Variants in GRAMD1B observed in about 807,000 individuals in gnomAD.
The protein encoded by GRAMD1B is GRAM domain containing 1B.
A neutral mutation model predicts 99.7 loss-of-function variants in GRAMD1B; 37 were observed. The ratio of observed to expected loss-of-function variants is 0.37; its 90% CI spans 0.29 to 0.49. GRAMD1B has a LOEUF of 0.49. Among genes scored for constraint, GRAMD1B ranks in the 20% least tolerant of loss-of-function variants. GRAMD1B has a pLI of 0.98. For missense variants in GRAMD1B, 888 were observed against 1,009.2 expected, an observed-to-expected ratio of 0.88 and a Z score of 1.63; for synonymous variants, 427 against 387.6, an observed-to-expected ratio of 1.10 and a Z score of -1.19.
intron 1 of GRAMD1B, among the ~76,000 whole-genome samples, chr11:123,441,355 A>G (rs2714053): frequency 0.65 from 98,817 of 152,038 alleles, 33,168 homozygotes; most frequent in African/African-American, 0.82. Flanking sequence ...CTCAGCATGC[A>G]GGCCGGGTGT....
At chr11:123,462,263 G>A (rs1950463656) in intron 1 of GRAMD1B, among the ~76,000 whole-genome samples, 1 of 152,106 alleles carries the variant, frequency 6.6e-6, no homozygotes, top group Non-Finnish European at 1.5e-5. Flanking sequence ...CACCGTGCCG[G>A]GCCAGTCATT....
At chr11:123,451,397 T>C (rs1236675184) in intron 1 of GRAMD1B, among the ~76,000 whole-genome samples, 2 of 152,204 alleles carry the variant, frequency 1.3e-5, no homozygotes, top group East Asian at 3.9e-4. Flanking sequence ...TACAGCTAAG[T>C]AATGCTAGAA....
At chr11:123,395,641 C>G (rs376786328) in intron 1 of GRAMD1B, among the ~76,000 whole-genome samples, 2 of 152,150 alleles carry the variant, frequency 1.3e-5, no homozygotes, top group South Asian at 2.1e-4. Flanking sequence ...CCATTACAAC[C>G]AGTTAAATCG....
intron 1 of GRAMD1B, among the ~76,000 whole-genome samples, chr11:123,476,686 G>A (rs1951294893): frequency 6.6e-6 from 1 of 152,242 alleles, no homozygotes; most frequent in African/African-American, 2.4e-5. Context: ...GGAGCTCTTT[G>A]CTGGAGAGAC....
intron 2 of GRAMD1B, among the ~76,000 whole-genome samples, chr11:123,559,957 G>A (rs904130095): frequency 1.3e-5 from 2 of 152,162 alleles, no homozygotes; most frequent in African/African-American, 2.4e-5. Flanking sequence ...CTTGATACAG[G>A]TCGACCTAGT....
At position 123,600,535 on chromosome 11, in the gene GRAMD1B, C is replaced by A; in HGVS notation, c.1037C>A (p.Ala346Asp). ...ATGATGTTCCGGCTCTGGCAGAATG[C>A]TCTCCTTGAAAAGGTAAGTACGGCC... ...YMMMFRLWQNALLEKPLCPKE... is the reference protein window; with the variant it reads ...YMMMFRLWQNDLLEKPLCPKE... Residue 346 changes from alanine (A) to aspartate (D), a missense_variant, in exon 8 of 20, where the codon GCT becomes GAT. Physicochemically the swap from Ala to Asp is moderately radical, Grantham distance 126. Coordinates refer to ENST00000635736, the MANE Select transcript of GRAMD1B (RefSeq NM_001387025.1). The A allele has an allele frequency of 6.2e-7, 1 of 1,611,576 alleles. No individual in the cohort carries two copies. Among genetic ancestry groups the A allele is most frequent in the Non-Finnish European group, 8.5e-7 (1 of 1,177,872 alleles).
chr11:123,594,663 A>G, intron 5 of GRAMD1B, 72 bp from the exon 6 acceptor site: 3 of 793,558 alleles, frequency 3.8e-6, no homozygotes, highest in Non-Finnish European at 6.8e-6. Flanking sequence ...GAGGGATGAC[A>G]TGCCTACTCT....
At chr11:123,360,829 T>C (rs1946121845) in intron 1 of GRAMD1B, among the ~76,000 whole-genome samples, 1 of 127,218 alleles carries the variant, frequency 7.9e-6, no homozygotes, top group Non-Finnish European at 1.6e-5. Context: ...CCTTCCTTCC[T>C]TCCTTCCATG....
chr11:123,614,448 G>A (rs1423589682), intron 16 of GRAMD1B, among the ~76,000 whole-genome samples: 1 of 152,184 alleles, frequency 6.6e-6, no homozygotes, highest in Non-Finnish European at 1.5e-5. Flanking sequence ...CTAGCCCAAT[G>A]CCACATCCTC....
At chr11:123,527,525 C>T (rs1942918284) in intron 2 of GRAMD1B, among the ~76,000 whole-genome samples, 1 of 152,188 alleles carries the variant, frequency 6.6e-6, no homozygotes, top group Non-Finnish European at 1.5e-5. Flanking sequence ...TGCTATCCCT[C>T]TCTCTTACAT....
Position 123,605,303 on chromosome 11 carries a change from C to T in GRAMD1B, c.1167-19C>T, listed in dbSNP as rs1314793712. 3.2e-6 allele frequency: 5 copies of T among 1,579,996 alleles called. No homozygotes were observed. The highest frequency in any genetic ancestry group is 3.5e-6 in the Non-Finnish European group (4 of 1,159,384). On this transcript the variant is annotated intron_variant, in intron 9 of 19. Transcript: ENST00000635736. Reference sequence around the variant, plus strand: ...TGAACCACTGAGGGTAATGTGGACTCACTGGTGTCTCCTCTCAGATACTGT... The same window carrying T: ...TGAACCACTGAGGGTAATGTGGACTTACTGGTGTCTCCTCTCAGATACTGT...
intron 2 of GRAMD1B, among the ~76,000 whole-genome samples, chr11:123,500,602 G>T (rs1014472193): frequency 7.2e-5 from 11 of 152,140 alleles, no homozygotes; most frequent in African/African-American, 2.4e-4. Context: ...TGTGTACTTT[G>T]TGGAGGAGCA....
chr11:123,472,042 T>C (rs2714044), intron 1 of GRAMD1B, among the ~76,000 whole-genome samples: 104,515 of 151,854 alleles, frequency 0.69, 37,387 homozygotes, highest in African/African-American at 0.87. Context: ...CCAATCCAGG[T>C]GGATCATTTG....
chr11:123,550,984 A>G (rs1007065701), intron 2 of GRAMD1B, among the ~76,000 whole-genome samples: 3 of 152,192 alleles, frequency 2.0e-5, no homozygotes, highest in African/African-American at 7.2e-5. Flanking sequence ...AAGGGACTCT[A>G]CAAAAGACTT....
intron 4 of GRAMD1B, among the ~76,000 whole-genome samples, chr11:123,589,642 A>ATATATATATAT (rs1950446757): frequency 7.2e-6 from 1 of 139,508 alleles, no homozygotes; most frequent in African/African-American, 2.6e-5. Context: ...ATATATTTGT[A>ATATATATATAT]GTAGAGACGG....
At chr11:123,550,260 C>T (rs1002545560) in intron 2 of GRAMD1B, among the ~76,000 whole-genome samples, 2 of 152,152 alleles carry the variant, frequency 1.3e-5, no homozygotes, top group Admixed American at 1.3e-4. Flanking sequence ...ATTGATCAAC[C>T]TCTCGAGACA....
At chr11:123,527,085 TGAAG>T (rs1273292415) in intron 2 of GRAMD1B, among the ~76,000 whole-genome samples, 1 of 152,120 alleles carries the variant, frequency 6.6e-6, no homozygotes, top group Admixed American at 6.5e-5. Flanking sequence ...GCTTTCTCCC[TGAAG>T]AGGGTGGAGG....
chr11:123,577,641 G>A (rs924543645), intron 3 of GRAMD1B, 64 bp downstream of exon 3: 3 of 1,259,576 alleles, frequency 2.4e-6, no homozygotes, highest in Non-Finnish European at 2.3e-6. Context: ...ATATTGGGGT[G>A]GTGAGCCGGA....
chr11:123,494,447 A>C (rs1938983236), intron 2 of GRAMD1B, among the ~76,000 whole-genome samples: 1 of 149,528 alleles, frequency 6.7e-6, no homozygotes, highest in South Asian at 2.1e-4. Flanking sequence ...GGTCTGAGCT[A>C]AGCTCTGACT....
Sources: gnomAD v4.1 joint callset for allele counts (sites outside exome capture counted in the v4.1 genomes callset) on GRCh38, gnomAD v4.1.1 for gene constraint, MANE v1.5 for transcripts, NCBI Gene and HGNC (gene_info 2026-07-23, HGNC 2026-07-21) for gene names.